The following ZC3H6 variants were observed in gnomAD, a reference collection of about 807,000 sequenced individuals.
ZC3H6 encodes zinc finger CCCH-type containing 6, also known as zinc finger CCCH domain-containing protein 6.
In ZC3H6, 40 loss-of-function variants were observed where a neutral mutation model predicts 107.7. The ratio of observed to expected loss-of-function variants is 0.37; its 90% CI spans 0.29 to 0.48. ZC3H6 has a LOEUF of 0.48. Ranked by LOEUF, ZC3H6 falls within the 20% of genes least tolerant of loss-of-function variation. ZC3H6 has a pLI of 0.98. For synonymous variants in ZC3H6, 493 were observed against 487.9 expected, an observed-to-expected ratio of 1.01 and a Z score of -0.14; for missense variants, 1,267 against 1,410.4, an observed-to-expected ratio of 0.90 and a Z score of 1.63.
chr2:112,296,823 C>T (rs548368947), intron 1 of ZC3H6, among the ~76,000 whole-genome samples: 10 of 152,304 alleles, frequency 6.6e-5, no homozygotes, highest in East Asian at 5.8e-4. Context: ...ATACACCCTG[C>T]TTTCACCAAT....
chr2:112,299,976 A>G lies in ZC3H6; in HGVS notation c.160A>G (p.Lys54Glu). 6.6e-7 allele frequency: 1 copy of G among 1,507,258 alleles called. No individual in the cohort carries two copies. Among genetic ancestry groups the G allele is most frequent in the South Asian group, 1.3e-5 (1 of 74,334 alleles). 93.4% of individuals were successfully genotyped at this position (1,507,258 alleles called of 1,614,324 possible). The change falls in exon 2 of 12, where the codon AAG (lysine) becomes GAG (glutamate). Residue 54 changes from lysine (K) to glutamate (E), a missense_variant. Physicochemically the swap from Lys to Glu is moderately conservative, Grantham distance 56 (BLOSUM62 1). Transcript: ENST00000409871. ...KAYRKSRKKH[K>E]KEREKKKSKR... ...CTACAGAAAATCAAGAAAAAAACAT[A>G]AGAAAGAGAGAGAGAAGAAAAAATC...
chr2:112,332,855 A>T lies in ZC3H6; in HGVS notation c.*367A>T, dbSNP rs578250821. ...TGGTTGTTTAGTTTCAAGCAATATG[A>T]TGTACATTACTTTTGAGAAACAGTA... On this transcript the variant is annotated 3_prime_UTR_variant, in exon 12 of 12. Coordinates refer to ENST00000409871, the MANE Select transcript of ZC3H6 (RefSeq NM_198581.3). The T allele has an allele frequency of 6.1e-6, 1 of 163,698 alleles. No individual in the cohort carries two copies. Among genetic ancestry groups the T allele is most frequent in the South Asian group, 1.7e-4 (1 of 5,794 alleles). 10.1% of individuals were successfully genotyped at this position (163,698 alleles called of 1,614,324 possible). A position where few individuals can be genotyped will look rare whatever the true frequency, so the allele number is the denominator to read the frequency against.
In ZC3H6 at chr2:112,338,967, T is replaced by A. The variant is rs1677194513; in HGVS notation, c.*6479T>A. 1 of 148,526 alleles carries A rather than the reference T, an allele frequency of 6.7e-6. No homozygotes were observed. The highest frequency in any genetic ancestry group is 2.4e-5 in the African/African-American group (1 of 40,914). 9.2% of individuals were successfully genotyped at this position (148,526 alleles called of 1,614,324 possible). A position where few individuals can be genotyped will look rare whatever the true frequency, so the allele number is the denominator to read the frequency against. On this transcript the variant is annotated 3_prime_UTR_variant, in exon 12 of 12. Transcript: ENST00000409871. ...TCTGTCACCCAGGCTGGAGTACAGC[T>A]CACAGCAACCTCTGCCTCCCAGGTT...
intron 1 of ZC3H6, among the ~76,000 whole-genome samples, chr2:112,287,003 C>T (rs1374570276): frequency 6.6e-6 from 1 of 152,026 alleles, no homozygotes; most frequent in Non-Finnish European, 1.5e-5. Context: ...ATTTACAGAC[C>T]AAATGCCCAT....
At chr2:112,276,102 G>A in intron 1 of ZC3H6, 76 bp downstream of exon 1, 1 of 1,398,534 alleles carries the variant, frequency 7.2e-7, no homozygotes, top group Non-Finnish European at 9.8e-7. Context: ...GCCGGGGCCG[G>A]GCGCCTCCTG....
intron 11 of ZC3H6, among the ~76,000 whole-genome samples, chr2:112,327,212 T>C (rs946261688): frequency 6.6e-6 from 1 of 152,182 alleles, no homozygotes; most frequent in African/African-American, 2.4e-5. Flanking sequence ...ATAAGACCCA[T>C]TTTAACTGGG....
At chr2:112,309,281 A>G (rs1014615122) in intron 3 of ZC3H6, among the ~76,000 whole-genome samples, 1 of 152,196 alleles carries the variant, frequency 6.6e-6, no homozygotes, top group Non-Finnish European at 1.5e-5. Context: ...TTGTTTTCAC[A>G]TGCTTTAGTA....
chr2:112,303,120 T>C, intron 2 of ZC3H6, 109 bp from the exon 3 acceptor site: 8 of 1,361,430 alleles, frequency 5.9e-6, no homozygotes, highest in Non-Finnish European at 8.0e-6. Flanking sequence ...TCTCCTGGAA[T>C]AATATAATCT....
rs768652892 is a variant in ZC3H6 at position 112,324,490 on chromosome 2, T to C, written c.1679T>C (p.Val560Ala). 3 of 1,613,534 alleles carry C rather than the reference T, an allele frequency of 1.9e-6. No individual in the cohort carries two copies. The highest frequency in any genetic ancestry group is 1.7e-6 in the Non-Finnish European group (2 of 1,179,730). ...CACTCCCCAGGCTTTCCAGGACATG[T>C]GATGAAAGTACCCAGAGAGAATCAC... ...AYHSPGFPGH[V>A]MKVPRENHCS... Residue 560 changes from valine (V) to alanine (A), a missense_variant, in exon 10 of 12, where the codon GTG (valine) becomes GCG (alanine). Val to Ala is a moderately conservative substitution (Grantham distance 64). Around this residue, in one of 3 missense-constraint regions of ZC3H6, gnomAD observed 925 missense variants for 1,025.7 expected, o/e 0.90. Transcript: ENST00000409871.
intron 1 of ZC3H6, among the ~76,000 whole-genome samples, chr2:112,282,937 G>A (rs2104692381): frequency 6.6e-6 from 1 of 152,274 alleles, no homozygotes; most frequent in Non-Finnish European, 1.5e-5. Context: ...TTATATGATA[G>A]TGTTTTGTAC....
intron 5 of ZC3H6, among the ~76,000 whole-genome samples, chr2:112,315,259 T>C (rs1297070638): frequency 6.6e-6 from 1 of 152,172 alleles, no homozygotes; most frequent in Non-Finnish European, 1.5e-5. Context: ...AATCTTATAC[T>C]TAAAGCAGAA....
chr2:112,293,484 G>C (rs1676158836), intron 1 of ZC3H6, among the ~76,000 whole-genome samples: 1 of 152,216 alleles, frequency 6.6e-6, no homozygotes, highest in South Asian at 2.1e-4. Flanking sequence ...AATTTTTCAA[G>C]AGGAACTGTT....
chr2:112,326,620 T>C (rs1045985606), intron 11 of ZC3H6, among the ~76,000 whole-genome samples: 6 of 152,266 alleles, frequency 3.9e-5, no homozygotes, highest in South Asian at 4.1e-4. Context: ...TTTTTTGTTT[T>C]GTTTTGTTTT....
At chr2:112,284,109 G>C (rs1447630571) in intron 1 of ZC3H6, among the ~76,000 whole-genome samples, 2 of 152,206 alleles carry the variant, frequency 1.3e-5, no homozygotes, top group Non-Finnish European at 2.9e-5. Flanking sequence ...GATTTTTCTT[G>C]ATTATTGGCA....
At chr2:112,318,205 T>G (rs1676737389) in intron 7 of ZC3H6, among the ~76,000 whole-genome samples, 1 of 151,972 alleles carries the variant, frequency 6.6e-6, no homozygotes. Flanking sequence ...TGTCAAAAAA[T>G]GGAACGATGT....
intron 1 of ZC3H6, among the ~76,000 whole-genome samples, chr2:112,285,236 T>G (rs1686585600): frequency 1.3e-5 from 2 of 152,230 alleles, no homozygotes; most frequent in Admixed American, 1.3e-4. Flanking sequence ...CTTGCATTAA[T>G]GTACATTTAT....
chr2:112,303,794 T>G (rs550048155), intron 3 of ZC3H6, among the ~76,000 whole-genome samples: 11 of 152,364 alleles, frequency 7.2e-5, no homozygotes, highest in African/African-American at 2.6e-4. Context: ...CATCTGTTGA[T>G]GGACACGTGG....
rs768934713 is a variant in ZC3H6 at position 112,332,140 on chromosome 2, G to GA, written c.3229dup (p.Ser1077LysfsTer7). 6.2e-7 allele frequency: 1 copy of GA among 1,613,842 alleles called. No individual in the cohort carries two copies. The highest frequency in any genetic ancestry group is 8.5e-7 in the Non-Finnish European group (1 of 1,179,822). On this transcript the variant is annotated frameshift_variant, in exon 12 of 12. Transcript: ENST00000409871. LOFTEE classifies it high-confidence loss of function. The stretch of plus-strand genomic sequence containing the variant: ...CTTCAGGAGAAAACTCAAAGAACCA[G>GA]AAAAAAAGTGGTGGCTTAAAAAGTA...
intron 7 of ZC3H6, among the ~76,000 whole-genome samples, chr2:112,320,940 T>C (rs923911185): frequency 3.3e-5 from 5 of 152,088 alleles, no homozygotes; most frequent in Admixed American, 2.6e-4. Flanking sequence ...AGTATATTTT[T>C]ATTTTACTAA....
Sources: allele counts gnomAD v4.1 joint callset (sites outside exome capture counted in the v4.1 genomes callset), GRCh38; gene constraint gnomAD v4.1.1; regional missense constraint gnomAD v4.1.1; transcripts MANE v1.5; gene names NCBI Gene and HGNC (gene_info 2026-07-23, HGNC 2026-07-21).